The following CACNA1C variants were observed in gnomAD, a reference collection of about 807,000 sequenced individuals.
CACNA1C encodes calcium voltage-gated channel subunit alpha1 C, also known as voltage-dependent L-type calcium channel subunit alpha-1C.
In CACNA1C, 30 loss-of-function variants were observed where a neutral mutation model predicts 229.0. The ratio of observed to expected loss-of-function variants is 0.13; its 90% CI spans 0.10 to 0.18. CACNA1C has a LOEUF of 0.18. CACNA1C is among the 10% of genes least tolerant of loss of function. CACNA1C has a pLI of 1.00. For synonymous variants in CACNA1C, 1,114 were observed against 1,132.5 expected (o/e 0.98, Z 0.33); for missense variants, 1,658 against 2,845.0 (o/e 0.58, Z 9.49).
intron 3 of CACNA1C, among the ~76,000 whole-genome samples, chr12:2,443,386 G>A (rs1372493461): frequency 6.6e-6 from 1 of 152,184 alleles, no homozygotes; most frequent in Non-Finnish European, 1.5e-5. Context: ...TGAGGGGTGG[G>A]CTCCCAAGGC....
rs1317737968 is a variant in CACNA1C at position 2,504,072 on chromosome 12, T to G, written c.1114-770T>G. Among the ~76,000 whole-genome samples, 1 of 152,218 alleles carries G rather than the reference T, an allele frequency of 6.6e-6. No individual in the cohort carries two copies. Among genetic ancestry groups the G allele is most frequent in the Admixed American group, 6.5e-5 (1 of 15,286 alleles). On this transcript the variant is annotated intron_variant, in intron 7 of 46. Transcript: ENST00000399655. This position sits in a 1 kb window ranked among gnomAD's most constrained non-coding sequence, Gnocchi z 6.8. The stretch of plus-strand genomic sequence containing the variant: ...GGGGCCTCCGGGTGCAACAGAAGGC[T>G]TAATGTCCAGGCAAACCCAAGTGAG...
chr12:2,261,270 G>T (rs2080097230), intron 3 of CACNA1C, among the ~76,000 whole-genome samples: 1 of 151,938 alleles, frequency 6.6e-6, no homozygotes, highest in Admixed American at 6.6e-5. Context: ...AAAACTGATT[G>T]CATGTTAACA....
chr12:2,251,634 A>G (rs1334384610), intron 3 of CACNA1C, among the ~76,000 whole-genome samples: 1 of 152,248 alleles, frequency 6.6e-6, no homozygotes, highest in Non-Finnish European at 1.5e-5. Context: ...ATGAACATAC[A>G]TATCTTCTAA....
At chr12:2,385,294 C>T (rs143784241) in intron 3 of CACNA1C, among the ~76,000 whole-genome samples, 52 of 152,190 alleles carry the variant, frequency 3.4e-4, no homozygotes, top group African/African-American at 9.4e-4. Context: ...CAGCCAGGTA[C>T]TGCACGGCCG....
intron 3 of CACNA1C, among the ~76,000 whole-genome samples, chr12:2,255,524 A>C (rs1948614062): frequency 6.6e-6 from 1 of 152,210 alleles, no homozygotes; most frequent in African/African-American, 2.4e-5. Flanking sequence ...TGCCAATCAA[A>C]GGAGGTCGGC....
rs2099559864 is a variant in CACNA1C, at chr12:2,467,268, G to C, written c.757+9562G>C. Among the ~76,000 whole-genome samples, 2 of 152,196 alleles carry C rather than the reference G, an allele frequency of 1.3e-5. No individual in the cohort carries two copies. Among genetic ancestry groups the C allele is most frequent in the Admixed American group, 1.3e-4 (2 of 15,290 alleles). On this transcript the variant is annotated intron_variant, in intron 5 of 46. Coordinates refer to ENST00000399655, the MANE Select transcript of CACNA1C (RefSeq NM_000719.7). The surrounding 1 kb of genome is among the most constrained non-coding windows in gnomAD (Gnocchi z 4.6). ...TTCCTGAATCCGAATGTCTGGGTGG[G>C]AGGGGACTAGGCTAGTACAACTGAG... is the stretch of plus-strand genomic sequence containing the variant.
intron 3 of CACNA1C, among the ~76,000 whole-genome samples, chr12:2,394,810 G>A (rs2098543749): frequency 6.6e-6 from 1 of 152,174 alleles, no homozygotes; most frequent in Non-Finnish European, 1.5e-5. Flanking sequence ...AACCCAGTGA[G>A]TCTCGGGTAA....
At position 2,593,352 on chromosome 12, in the gene CACNA1C, A is replaced by G; in HGVS notation, c.2663+7A>G. The G allele has an allele frequency of 3.1e-6, 5 of 1,613,564 alleles. No homozygotes were observed. Among genetic ancestry groups the G allele is most frequent in the Non-Finnish European group, 4.2e-6 (5 of 1,179,780 alleles). On this transcript the variant is annotated splice_region_variant and intron_variant, in intron 19 of 46. Transcript: ENST00000399655. ...TCTTCAGCTCTAACAACAGGTGTGC[A>G]GCAATGGTGGGGAAGGTGGGGTCCT... is the stretch of plus-strand genomic sequence containing the variant.
chr12:2,439,648 A>C (rs1325901950), intron 3 of CACNA1C, among the ~76,000 whole-genome samples: 5 of 152,066 alleles, frequency 3.3e-5, no homozygotes, highest in Non-Finnish European at 5.9e-5. Context: ...AGAAACTGAT[A>C]GGCAACTAAG....
intron 3 of CACNA1C, among the ~76,000 whole-genome samples, chr12:2,329,953 C>T (rs1028334158): frequency 4.6e-5 from 7 of 152,208 alleles, no homozygotes; most frequent in East Asian, 1.9e-4. Context: ...GATGGAATAA[C>T]GTTAGTTGGT....
At chr12:2,473,266 A>C (rs1003146721) in intron 5 of CACNA1C, among the ~76,000 whole-genome samples, 2 of 151,914 alleles carry the variant, frequency 1.3e-5, no homozygotes, top group African/African-American at 4.8e-5. Context: ...CACACAGGCA[A>C]CCCCTACACA....
intron 3 of CACNA1C, among the ~76,000 whole-genome samples, chr12:2,432,324 G>A (rs2099094004): frequency 6.6e-6 from 1 of 152,226 alleles, no homozygotes; most frequent in Admixed American, 6.5e-5. Context: ...AAGAAAGGAA[G>A]TGGATGGAGG....
intron 3 of CACNA1C, among the ~76,000 whole-genome samples, chr12:2,380,384 G>A (rs1242370332): frequency 1.3e-5 from 2 of 152,192 alleles, no homozygotes; most frequent in Admixed American, 1.3e-4. Context: ...CTAAAAAGCA[G>A]TACCTGGACA....
At chr12:2,230,509 G>A (rs1189352835) in intron 3 of CACNA1C, among the ~76,000 whole-genome samples, 1 of 152,208 alleles carries the variant, frequency 6.6e-6, no homozygotes, top group Non-Finnish European at 1.5e-5. Context: ...TGTCCAAAAG[G>A]CTAAGAGGAG....
chr12:2,483,335 G>T (rs1461738175), intron 5 of CACNA1C, among the ~76,000 whole-genome samples: 2 of 152,234 alleles, frequency 1.3e-5, no homozygotes, highest in Non-Finnish European at 2.9e-5. Context: ...GTTCCAGTGT[G>T]TACTTTAGGA....
chr12:2,454,947 T>C (rs923452600), intron 4 of CACNA1C, among the ~76,000 whole-genome samples: 4 of 152,198 alleles, frequency 2.6e-5, no homozygotes, highest in Non-Finnish European at 5.9e-5. Context: ...CCCACGGCGC[T>C]GCCCCTGCAC....
intron 1 of CACNA1C, among the ~76,000 whole-genome samples, chr12:2,068,847 G>T (rs1279590388): frequency 3.3e-5 from 5 of 152,138 alleles, no homozygotes; most frequent in Non-Finnish European, 4.4e-5. Context: ...GCTGGGTCTG[G>T]GCAACAAAAG....
rs535791068 is a variant in CACNA1C at position 2,348,630 on chromosome 12, A to G, written c.478-100346A>G. On this transcript the variant is annotated intron_variant, in intron 3 of 46. Transcript: ENST00000399655. This position sits in a 1 kb window ranked among gnomAD's most constrained non-coding sequence, Gnocchi z 4.7. ...AGAAGCCGTCCAGAGAATGTTTGGC[A>G]TGCTGAATATAAACTCATGCTTCCG... 1.3e-5 allele frequency among the ~76,000 whole-genome samples: 2 copies of G among 152,266 alleles called. No homozygotes were observed. Among genetic ancestry groups the G allele is most frequent in the South Asian group, 4.1e-4 (2 of 4,830 alleles).
chr12:2,081,904 A>G (rs2065788114), intron 1 of CACNA1C, among the ~76,000 whole-genome samples: 1 of 152,230 alleles, frequency 6.6e-6, no homozygotes, highest in South Asian at 2.1e-4. Flanking sequence ...CATCATTATC[A>G]CTAGAATAAC....
Sources: allele counts gnomAD v4.1 joint callset (sites outside exome capture counted in the v4.1 genomes callset), GRCh38; gene constraint gnomAD v4.1.1; non-coding constraint Gnocchi (gnomAD v3.1); transcripts MANE v1.5; gene names NCBI Gene and HGNC (gene_info 2026-07-23, HGNC 2026-07-21).